BCAR3: variants seen among roughly 807,000 people sequenced by gnomAD.
The protein encoded by BCAR3 is BCAR3 adaptor protein, NSP family member.
Under a neutral mutation model 80.1 loss-of-function variants are expected in BCAR3, and 37 were observed. The ratio of observed to expected loss-of-function variants is 0.46; its 90% CI spans 0.36 to 0.61. The LOEUF (loss-of-function observed/expected upper bound fraction) is 0.61. Among genes scored for constraint, BCAR3 ranks in the 20% least tolerant of loss-of-function variants. BCAR3 has a pLI of 0.00. For missense variants in BCAR3, 978 were observed against 1,068.2 expected (o/e 0.92, Z 1.18); for synonymous variants, 389 against 418.9 (o/e 0.93, Z 0.87).
chr1:93,712,388 C>T (rs985202538), intron 2 of BCAR3, among the ~76,000 whole-genome samples: 12 of 152,216 alleles, frequency 7.9e-5, no homozygotes, highest in African/African-American at 2.7e-4. Flanking sequence ...AACACTGGAT[C>T]ATATGGGATT....
At chr1:93,622,269 T>G (rs754984151) in intron 3 of BCAR3, among the ~76,000 whole-genome samples, 9 of 152,192 alleles carry the variant, frequency 5.9e-5, no homozygotes, top group Non-Finnish European at 1.3e-4. Context: ...GAGAGGAGTA[T>G]TATTATCTCC....
chr1:93,672,262 C>A (rs1648245604), intron 2 of BCAR3, among the ~76,000 whole-genome samples: 1 of 152,152 alleles, frequency 6.6e-6, no homozygotes, highest in Admixed American at 6.5e-5. Flanking sequence ...ACAGCTTGGA[C>A]CTTGGGTGTT....
At chr1:93,805,746 G>A (rs1256494455) in intron 2 of BCAR3, among the ~76,000 whole-genome samples, 2 of 151,946 alleles carry the variant, frequency 1.3e-5, no homozygotes, top group African/African-American at 4.8e-5. Flanking sequence ...GTCTGCAATA[G>A]GAAAAAGGAA....
intron 3 of BCAR3, among the ~76,000 whole-genome samples, chr1:93,608,864 G>T (rs1674859829): frequency 6.6e-6 from 1 of 152,246 alleles, no homozygotes; most frequent in Non-Finnish European, 1.5e-5. Context: ...GAGGGGCTGA[G>T]TTACTTGGAA....
intron 2 of BCAR3, among the ~76,000 whole-genome samples, chr1:93,670,578 A>C (rs1648154759): frequency 6.6e-6 from 1 of 152,176 alleles, no homozygotes; most frequent in African/African-American, 2.4e-5. Flanking sequence ...TCTAGGTTCT[A>C]ATCCTAGCTC....
At chr1:93,587,698 C>CG in intron 5 of BCAR3, among the ~76,000 whole-genome samples, 1 of 119,436 alleles carries the variant, frequency 8.4e-6, no homozygotes, top group South Asian at 2.1e-4. Context: ...TGGACCCCCC[C>CG]GCCAAAAAAA....
chr1:93,680,873 C>A (rs2101954995), intron 1 of BCAR3, among the ~76,000 whole-genome samples: 1 of 152,278 alleles, frequency 6.6e-6, no homozygotes, highest in South Asian at 2.1e-4. Context: ...AAAGCGGCGG[C>A]GCCCTCAGCG....
At chr1:93,615,144 C>T (rs574399462) in intron 3 of BCAR3, among the ~76,000 whole-genome samples, 1 of 151,800 alleles carries the variant, frequency 6.6e-6, no homozygotes, top group Non-Finnish European at 1.5e-5. Context: ...TAAAACTTCA[C>T]ACAGGCAGAA....
chr1:93,841,718 C>G (rs1442225753), intron 2 of BCAR3, among the ~76,000 whole-genome samples: 2 of 152,208 alleles, frequency 1.3e-5, no homozygotes, highest in African/African-American at 2.4e-5. Context: ...AGATCATGTT[C>G]CCTTTATCCT....
chr1:93,605,241 G>A (rs1353065662), intron 3 of BCAR3, among the ~76,000 whole-genome samples: 3 of 152,214 alleles, frequency 2.0e-5, no homozygotes, highest in African/African-American at 4.8e-5. Flanking sequence ...GAGGAAGGCC[G>A]AAGGTCAATG....
chr1:93,582,582 G>C lies in BCAR3; in HGVS notation c.1405C>G (p.Arg469Gly). 1 of 1,613,344 alleles carries C rather than the reference G, an allele frequency of 6.2e-7. No individual in the cohort carries two copies. Among genetic ancestry groups the C allele is most frequent in the Non-Finnish European group, 8.5e-7 (1 of 1,179,728 alleles). ...ATCAAGTAGTTGACGCCAGAGTTCC[G>C]GGGACCTGGCGCCTCATTCTGCTTG... ...TAKQNEAPGP[R>G]NSGVNYLILD... is the part of the protein sequence containing the mutation. Residue 469 changes from arginine to glycine, a missense_variant, in exon 7 of 12, where the codon CGG becomes GGG. By Grantham distance (125) the Arg-to-Gly change is moderately radical. Transcript: ENST00000260502.
intron 3 of BCAR3, among the ~76,000 whole-genome samples, chr1:93,638,853 T>C (rs1043177684): frequency 1.3e-5 from 2 of 151,924 alleles, no homozygotes; most frequent in African/African-American, 4.8e-5. Context: ...TGAGCTACTG[T>C]GGGGGGAAAA....
chr1:93,566,363 G>A (rs1672952261), intron 11 of BCAR3, among the ~76,000 whole-genome samples: 1 of 152,062 alleles, frequency 6.6e-6, no homozygotes, highest in South Asian at 2.1e-4. Flanking sequence ...TAACATCTCT[G>A]ACCAAATCAG....
At chr1:93,611,174 A>C (rs534408345) in intron 3 of BCAR3, among the ~76,000 whole-genome samples, 34 of 152,322 alleles carry the variant, frequency 2.2e-4, no homozygotes, top group African/African-American at 7.9e-4. Flanking sequence ...GAACTCATAC[A>C]TTTGAAAGTC....
intron 2 of BCAR3, among the ~76,000 whole-genome samples, chr1:93,777,542 T>TTCC (rs1238962379): frequency 1.3e-5 from 2 of 150,660 alleles, no homozygotes; most frequent in Admixed American, 6.6e-5. Flanking sequence ...CCTTCTCCTC[T>TTCC]TCCTCCTCCT....
intron 1 of BCAR3, among the ~76,000 whole-genome samples, chr1:93,676,162 T>C (rs1648477778): frequency 6.6e-6 from 1 of 152,134 alleles, no homozygotes; most frequent in African/African-American, 2.4e-5. Flanking sequence ...GGGAAGAGCT[T>C]TGCATGAAAA....
At chr1:93,576,492 T>C (rs2101818511) in intron 7 of BCAR3, among the ~76,000 whole-genome samples, 1 of 152,348 alleles carries the variant, frequency 6.6e-6, no homozygotes, top group Admixed American at 6.5e-5. Flanking sequence ...CAAGGCTGCA[T>C]GTGTTCGGAG....
At chr1:93,628,912 C>T (rs992959437) in intron 3 of BCAR3, among the ~76,000 whole-genome samples, 2 of 152,166 alleles carry the variant, frequency 1.3e-5, no homozygotes, top group South Asian at 2.1e-4. Flanking sequence ...GTACTAACCA[C>T]AAAATTGTTT....
chr1:93,677,599 G>T (rs1337200148), intron 1 of BCAR3, among the ~76,000 whole-genome samples: 1 of 152,202 alleles, frequency 6.6e-6, no homozygotes, highest in African/African-American at 2.4e-5. Flanking sequence ...CAGCAGCTGG[G>T]TAAAGGGAGA....
Sources: gnomAD v4.1 joint callset for allele counts (sites outside exome capture counted in the v4.1 genomes callset) on GRCh38, gnomAD v4.1.1 for gene constraint, MANE v1.5 for transcripts, NCBI Gene and HGNC (gene_info 2026-07-23, HGNC 2026-07-21) for gene names.